FYN: variants seen among roughly 807,000 people sequenced by gnomAD.
The protein encoded by FYN is tyrosine-protein kinase Fyn.
A neutral mutation model predicts 70.2 loss-of-function variants in FYN; 10 were observed. The ratio of observed to expected loss-of-function variants is 0.14; its 90% CI spans 0.09 to 0.24. The LOEUF is 0.24. Ranked by LOEUF, FYN falls within the 10% of genes least tolerant of loss-of-function variation. The pLI, the probability that FYN is intolerant of heterozygous loss-of-function variation, is 1.00. For synonymous variants in FYN, 236 were observed against 248.6 expected (o/e 0.95, Z 0.48); for missense variants, 319 against 673.1 (o/e 0.47, Z 5.82).
chr6:111,768,894 G>A lies in FYN; in HGVS notation c.-12+11672C>T, dbSNP rs372870137. Among the ~76,000 whole-genome samples the A allele has an allele frequency of 1.3e-4, 20 of 152,316 alleles. No homozygotes were observed. In the East Asian group the frequency reaches 1.3e-3, roughly 10 times the overall value. On this transcript the variant is annotated intron_variant, in intron 3 of 13. Coordinates refer to ENST00000354650, the MANE Select transcript of FYN (RefSeq NM_002037.5). ...CTAAATGACATTTTGAAATGAACAT[G>A]AGATATCCACTTAAAGAAATGAAAA... is the stretch of plus-strand genomic sequence containing the variant.
At chr6:111,779,840 G>A (rs956673529) in intron 3 of FYN, among the ~76,000 whole-genome samples, 5 of 152,178 alleles carry the variant, frequency 3.3e-5, no homozygotes, top group African/African-American at 7.2e-5. Flanking sequence ...AAGAATGACT[G>A]GCTTTATTGA....
Position 111,745,437 on chromosome 6 carries a change from A to C in FYN, c.-11-25375T>G, listed in dbSNP as rs115628522. On this transcript the variant is annotated intron_variant, in intron 3 of 13. Coordinates refer to ENST00000354650, the MANE Select transcript of FYN (RefSeq NM_002037.5). ...GGCCTGTGGGAAGGACTGGTGAAAA[A>C]GGGGGTGCGCAAGGGGATGGGCAGG... Among the ~76,000 whole-genome samples, 1,232 of 152,202 alleles carry C rather than the reference A, an allele frequency of 8.1e-3. 14 individuals are homozygous for C. Among genetic ancestry groups the C allele is most frequent in the African/African-American group, 0.028 (1,157 of 41,544 alleles).
intron 3 of FYN, chr6:111,754,456 A>G (rs1022389993): frequency 1.3e-5 from 2 of 152,222 alleles, no homozygotes; most frequent in African/African-American, 4.8e-5. Context: ...AATGAGAAGC[A>G]AGTTTCTCCT....
chr6:111,721,493 G>A (rs539574537), intron 3 of FYN, among the ~76,000 whole-genome samples: 1 of 152,158 alleles, frequency 6.6e-6, no homozygotes, highest in African/African-American at 2.4e-5. Flanking sequence ...GCAGTGGAGC[G>A]ATCTTGGCTC....
intron 3 of FYN, among the ~76,000 whole-genome samples, chr6:111,723,753 T>C (rs1017805155): frequency 1.3e-5 from 2 of 152,254 alleles, no homozygotes; most frequent in Non-Finnish European, 1.5e-5. Context: ...GTATCCTTTA[T>C]TATGCAGAGT....
At chr6:111,696,224 T>C (rs970511419) in intron 10 of FYN, 53 bp downstream of exon 10, 3 of 1,438,204 alleles carry the variant, frequency 2.1e-6, no homozygotes, top group African/African-American at 2.9e-5. Context: ...TTCTCTCCCC[T>C]AAACAACCCC....
At chr6:111,872,288 G>C (rs2114259070) in intron 1 of FYN, among the ~76,000 whole-genome samples, 1 of 151,236 alleles carries the variant, frequency 6.6e-6, no homozygotes, top group African/African-American at 2.4e-5. Flanking sequence ...TAGGGAAGTA[G>C]AGAGGAAATC....
At chr6:111,790,465 T>C (rs752353452) in intron 2 of FYN, among the ~76,000 whole-genome samples, 4 of 152,012 alleles carry the variant, frequency 2.6e-5, no homozygotes, top group Non-Finnish European at 5.9e-5. Flanking sequence ...AGATCGAGTC[T>C]CCCACCCCTA....
intron 1 of FYN, among the ~76,000 whole-genome samples, chr6:111,869,065 T>C (rs1329393225): frequency 6.6e-6 from 1 of 152,166 alleles, no homozygotes; most frequent in Non-Finnish European, 1.5e-5. Flanking sequence ...GAAGTATTCA[T>C]GGCAAAAAAA....
At chr6:111,857,140 AC>A (rs1773842737) in intron 1 of FYN, among the ~76,000 whole-genome samples, 4 of 152,208 alleles carry the variant, frequency 2.6e-5, no homozygotes, top group Non-Finnish European at 4.4e-5. Context: ...GCACATGAGA[AC>A]TGAATAAAAA....
rs2114263558 is a variant in FYN, at chr6:111,873,025, G to A, written c.-180C>T. ...CATGGTCCTCTCCCCGCCCTCCTCC[G>A]GCGCGGCCGAGGCGGCTCCGGGGGG... On this transcript the variant is annotated 5_prime_UTR_variant, in exon 1 of 14. Coordinates refer to ENST00000354650, the MANE Select transcript of FYN (RefSeq NM_002037.5). 1 of 149,218 alleles carries A rather than the reference G, an allele frequency of 6.7e-6. No homozygotes were observed. The highest frequency in any genetic ancestry group is 2.1e-4 in the South Asian group (1 of 4,814). 9.2% of individuals were successfully genotyped at this position (149,218 alleles called of 1,614,324 possible).
chr6:111,711,749 C>T (rs936311638), intron 5 of FYN, among the ~76,000 whole-genome samples: 3 of 152,220 alleles, frequency 2.0e-5, no homozygotes, highest in Non-Finnish European at 4.4e-5. Flanking sequence ...AGGGGAGGAG[C>T]CGTGTGCCAT....
At chr6:111,729,103 A>T (rs1801329076) in intron 3 of FYN, among the ~76,000 whole-genome samples, 1 of 152,224 alleles carries the variant, frequency 6.6e-6, no homozygotes, top group Non-Finnish European at 1.5e-5. Context: ...TGACTCTCTT[A>T]CATTGCTGAT....
chr6:111,748,485 T>C (rs1005083364), intron 3 of FYN, among the ~76,000 whole-genome samples: 1 of 152,178 alleles, frequency 6.6e-6, no homozygotes, highest in Admixed American at 6.5e-5. Flanking sequence ...GAGACATGCA[T>C]GGCGTATCAA....
At position 111,714,357 on chromosome 6, in the gene FYN, A is replaced by G. The variant is rs1007572688; in HGVS notation, c.334T>C (p.Leu112=). 5.0e-6 allele frequency: 8 copies of G among 1,612,424 alleles called. No homozygotes were observed. The highest frequency in any genetic ancestry group is 6.8e-6 in the Non-Finnish European group (8 of 1,178,480). The change falls in exon 5 of 14, where the codon TTG becomes CTG. Residue 112 remains leucine, a synonymous_variant. Transcript: ENST00000354650. ...CCTCTCCAAACTTACGAGCTGTTCA[A>G]TATTTGAAATTTTTCTCCTTTGTGA... is the stretch of plus-strand genomic sequence containing the variant. ...SFHKGEKFQI[L]NSSEGDWWEA...
chr6:111,812,739 A>C (rs1772367205), intron 2 of FYN, among the ~76,000 whole-genome samples: 1 of 150,730 alleles, frequency 6.6e-6, no homozygotes. Flanking sequence ...ACCAGTGTTA[A>C]TCTTGAGTTA....
At chr6:111,668,243 G>A (rs1335025767) in intron 13 of FYN, among the ~76,000 whole-genome samples, 3 of 152,216 alleles carry the variant, frequency 2.0e-5, no homozygotes, top group African/African-American at 7.2e-5. Context: ...TTTTAGTATA[G>A]GATCATTGTG....
intron 2 of FYN, among the ~76,000 whole-genome samples, chr6:111,811,317 G>A (rs527932824): frequency 6.6e-6 from 1 of 152,204 alleles, no homozygotes; most frequent in Non-Finnish European, 1.5e-5. Context: ...AAAAGGAAAC[G>A]TTTTAAAGAT....
At chr6:111,751,157 T>C (rs1802467389) in intron 3 of FYN, among the ~76,000 whole-genome samples, 1 of 152,222 alleles carries the variant, frequency 6.6e-6, no homozygotes, top group East Asian at 1.9e-4. Flanking sequence ...TTTTACTATT[T>C]TGGGGGCACT....
Sources: allele counts gnomAD v4.1 joint callset (sites outside exome capture counted in the v4.1 genomes callset), GRCh38; gene constraint gnomAD v4.1.1; transcripts MANE v1.5; gene names NCBI Gene and HGNC (gene_info 2026-07-23, HGNC 2026-07-21).